The following MAPK10 variants were observed in gnomAD, a reference collection of about 807,000 sequenced individuals.
MAPK10 encodes the protein mitogen-activated protein kinase 10.
In MAPK10, 25 loss-of-function variants were observed where a neutral mutation model predicts 59.3. The ratio of observed to expected loss-of-function variants is 0.42; its 90% confidence interval spans 0.31 to 0.59. The LOEUF (loss-of-function observed/expected upper bound fraction) is 0.59, where lower values mean the gene tolerates loss of function less well. Ranked by LOEUF, MAPK10 falls within the 20% of genes least tolerant of loss-of-function variation. The pLI is 0.15. For missense variants in MAPK10, 351 were observed against 568.9 expected (o/e 0.62, Z 3.90); for synonymous variants, 190 against 200.5 (o/e 0.95, Z 0.44).
chr4:86,526,514 T>G (rs927858054), intron 1 of MAPK10, among the ~76,000 whole-genome samples: 4 of 152,196 alleles, frequency 2.6e-5, no homozygotes, highest in Non-Finnish European at 5.9e-5. Context: ...GTTCATCCTT[T>G]CAAAGAGGCA....
At chr4:86,482,735 C>T (rs1401924050) in intron 1 of MAPK10, among the ~76,000 whole-genome samples, 4 of 152,112 alleles carry the variant, frequency 2.6e-5, no homozygotes, top group Admixed American at 2.6e-4. Context: ...ACTGTTCATC[C>T]TGCCAGAATG....
At chr4:86,322,432 T>C (rs2095917242) in intron 2 of MAPK10, among the ~76,000 whole-genome samples, 1 of 152,178 alleles carries the variant, frequency 6.6e-6, no homozygotes, top group Non-Finnish European at 1.5e-5. Flanking sequence ...TACGAACGTC[T>C]AACATAAATT....
At chr4:86,100,942 GC>G in intron 8 of MAPK10, 109 bp downstream of exon 8, 1 of 887,056 alleles carries the variant, frequency 1.1e-6, no homozygotes, top group Non-Finnish European at 1.7e-6. Context: ...CTATCTGGCA[GC>G]CCTACTTTAT....
chr4:86,203,195 GCTATACACTGTA>G (rs1270948762), intron 2 of MAPK10, among the ~76,000 whole-genome samples: 3 of 151,936 alleles, frequency 2.0e-5, no homozygotes, highest in Non-Finnish European at 4.4e-5. Flanking sequence ...TTCTTGCTAT[GCTATACACTGTA>G]CTGAGTTTCT....
At chr4:86,195,511 C>T (rs1370324972) in intron 2 of MAPK10, among the ~76,000 whole-genome samples, 2 of 152,140 alleles carry the variant, frequency 1.3e-5, no homozygotes, top group African/African-American at 2.4e-5. Flanking sequence ...TGAGCTGAGG[C>T]CGCTGTTTGT....
chr4:86,263,818 C>T (rs577031464), intron 2 of MAPK10, among the ~76,000 whole-genome samples: 61 of 152,192 alleles, frequency 4.0e-4, no homozygotes, highest in African/African-American at 1.4e-3. Context: ...ATTTGGCACA[C>T]AATATGTGCT....
intron 1 of MAPK10, among the ~76,000 whole-genome samples, chr4:86,376,938 T>C (rs1739910693): frequency 6.6e-6 from 1 of 152,184 alleles, no homozygotes; most frequent in African/African-American, 2.4e-5. Flanking sequence ...CATGGATCCC[T>C]CCTGGCCCTT....
intron 1 of MAPK10, among the ~76,000 whole-genome samples, chr4:86,479,377 C>T (rs1753386155): frequency 6.6e-6 from 1 of 151,704 alleles, no homozygotes; most frequent in Non-Finnish European, 1.5e-5. Flanking sequence ...TGGAATGCTA[C>T]AAGGTACAGC....
intron 1 of MAPK10, among the ~76,000 whole-genome samples, chr4:86,545,676 C>T (rs1004270464): frequency 5.3e-5 from 8 of 152,074 alleles, no homozygotes; most frequent in Admixed American, 3.9e-4. Context: ...GCATAAAGAT[C>T]TTAATGGACA....
chr4:86,305,399 A>G (rs1459485829), intron 2 of MAPK10, among the ~76,000 whole-genome samples: 1 of 152,252 alleles, frequency 6.6e-6, no homozygotes, highest in East Asian at 1.9e-4. Context: ...TAAGATTTAG[A>G]ATCATTTTCA....
chr4:86,519,659 G>A (rs1756967197), intron 1 of MAPK10, among the ~76,000 whole-genome samples: 1 of 152,040 alleles, frequency 6.6e-6, no homozygotes, highest in Admixed American at 6.6e-5. Flanking sequence ...CATGCTAGTT[G>A]TTGCCTGAAT....
intron 2 of MAPK10, among the ~76,000 whole-genome samples, chr4:86,243,239 C>A (rs949851972): frequency 1.3e-5 from 2 of 152,166 alleles, no homozygotes; most frequent in Non-Finnish European, 2.9e-5. Context: ...CATCTTGGCC[C>A]CACTCAGATG....
At chr4:86,234,401 TATC>T (rs2091986575) in intron 2 of MAPK10, among the ~76,000 whole-genome samples, 1 of 152,162 alleles carries the variant, frequency 6.6e-6, no homozygotes, top group African/African-American at 2.4e-5. Flanking sequence ...ATGTAATTAA[TATC>T]ATAATACTAC....
chr4:86,228,431 T>C (rs2148658782), intron 2 of MAPK10, among the ~76,000 whole-genome samples: 1 of 152,276 alleles, frequency 6.6e-6, no homozygotes, highest in East Asian at 1.9e-4. Flanking sequence ...CTTTTTTCCT[T>C]CCCCTTTTCT....
intron 2 of MAPK10, among the ~76,000 whole-genome samples, chr4:86,217,848 C>G (rs1009219084): frequency 6.6e-6 from 1 of 151,816 alleles, no homozygotes; most frequent in Non-Finnish European, 1.5e-5. Context: ...AATAACAGTT[C>G]ACATCACAGA....
chr4:86,445,753 A>G (rs1298769603), intron 1 of MAPK10, among the ~76,000 whole-genome samples: 2 of 152,046 alleles, frequency 1.3e-5, no homozygotes, highest in Non-Finnish European at 2.9e-5. Context: ...AGAAGGGGAA[A>G]ATAAAACTAC....
At chr4:86,422,308 CA>C (rs1746635506) in intron 1 of MAPK10, among the ~76,000 whole-genome samples, 1 of 152,088 alleles carries the variant, frequency 6.6e-6, no homozygotes, top group Non-Finnish European at 1.5e-5. Context: ...TGTTAGGGAC[CA>C]GACTTAATGT....
intron 1 of MAPK10, among the ~76,000 whole-genome samples, chr4:86,389,218 C>T (rs1440545600): frequency 1.3e-5 from 2 of 152,120 alleles, no homozygotes; most frequent in Non-Finnish European, 2.9e-5. Flanking sequence ...CTCACTCCCC[C>T]TTTGCCTTCC....
At chr4:86,529,809 A>G (rs1393191616) in intron 1 of MAPK10, among the ~76,000 whole-genome samples, 1 of 152,268 alleles carries the variant, frequency 6.6e-6, no homozygotes, top group South Asian at 2.1e-4. Flanking sequence ...TATGGAACAC[A>G]TTGTATTTTT....
Sources: allele counts gnomAD v4.1 joint callset (sites outside exome capture counted in the v4.1 genomes callset), GRCh38; gene constraint gnomAD v4.1.1; transcripts MANE v1.5; gene names NCBI Gene and HGNC (gene_info 2026-07-23, HGNC 2026-07-21).